The following SARM1 variants were observed in gnomAD, a reference collection of about 807,000 sequenced individuals.
The protein encoded by SARM1 is NAD(+) hydrolase SARM1.
SARM1 carries 60 observed loss-of-function variants against 65.1 expected under a neutral mutation model. The observed-to-expected ratio is 0.92, with a 90% CI of 0.75 to 1.14. SARM1 has a LOEUF of 1.14. SARM1 is among the 50% of genes most tolerant of loss of function. The probability of loss-of-function intolerance (pLI) is 0.00; values close to 1 mark genes in which losing one functional copy is unlikely to be tolerated. For missense variants in SARM1, 913 were observed against 1,015.7 expected, an observed-to-expected ratio of 0.90 and a Z score of 1.37; for synonymous variants, 417 against 465.4, an observed-to-expected ratio of 0.90 and a Z score of 1.34.
rs546609473 is a variant in SARM1, at chr17:28,371,710, G to C, written c.-323G>C. 1 of 246,034 alleles carries C rather than the reference G, an allele frequency of 4.1e-6. No homozygotes were observed. The highest frequency in any genetic ancestry group is 1.6e-4 in the South Asian group (1 of 6,110). 15.2% of individuals were successfully genotyped at this position (246,034 alleles called of 1,614,324 possible). Reference sequence around the variant, plus strand: ...CTGCCGAGCATCTCCCAGCTCAGCCGAGCCCGTGCCCAGGCCACGCTTTGT... The same window carrying C: ...CTGCCGAGCATCTCCCAGCTCAGCCCAGCCCGTGCCCAGGCCACGCTTTGT... On this transcript the variant is annotated 5_prime_UTR_variant, in exon 1 of 9. Coordinates refer to ENST00000585482, the MANE Select transcript of SARM1 (RefSeq NM_015077.4).
At chr17:28,374,821 A>T (rs2067979646) in intron 1 of SARM1, among the ~76,000 whole-genome samples, 1 of 151,742 alleles carries the variant, frequency 6.6e-6, no homozygotes, top group African/African-American at 2.4e-5. Context: ...TACAAAAAAT[A>T]TACAGATTAG....
chr17:28,384,655 C>G lies in SARM1; in HGVS notation c.1302+86C>G, dbSNP rs1394359523. The G allele has an allele frequency of 3.6e-6, 5 of 1,395,172 alleles. No individual in the cohort carries two copies. In the East Asian group the frequency reaches 1.3e-4, roughly 35 times the overall value. The allele number at this position is 1,395,172 out of a possible 1,614,324, so 86.4% of individuals were successfully genotyped here. A position where few individuals can be genotyped will look rare whatever the true frequency, so the allele number is the denominator to read the frequency against. The stretch of plus-strand genomic sequence containing the variant: ...GCGTTCCCTCCCCGCCTCGCAATCC[C>G]GCGGCGCCAGGGTCGCTTTTGGGGG... On this transcript the variant is annotated intron_variant, in intron 3 of 8. Transcript: ENST00000585482. This position sits in a 1 kb window ranked among gnomAD's most constrained non-coding sequence, Gnocchi z 4.4.
intron 2 of SARM1, among the ~76,000 whole-genome samples, chr17:28,383,703 GA>G (rs1410612060): frequency 6.6e-6 from 1 of 152,192 alleles, no homozygotes; most frequent in East Asian, 1.9e-4. Flanking sequence ...TTCCAGTAGT[GA>G]CTAAGACATG....
chr17:28,392,112 TA>T (rs1236676959), intron 7 of SARM1, among the ~76,000 whole-genome samples: 7 of 151,340 alleles, frequency 4.6e-5, no homozygotes, highest in African/African-American at 9.7e-5. Context: ...TTTATTTAAT[TA>T]TTTTTTTTTT....
intron 1 of SARM1, chr17:28,373,972 AAGGC>A (rs1555584327): frequency 6.6e-6 from 1 of 152,212 alleles, no homozygotes. Context: ...CTTCCAAAGA[AAGGC>A]AGGATCCCCG....
chr17:28,373,837 A>G (rs1344209304), intron 1 of SARM1: 5 of 152,266 alleles, frequency 3.3e-5, no homozygotes, highest in African/African-American at 9.7e-5. Flanking sequence ...AAAAATGGCA[A>G]TTCTCACCTG....
At chr17:28,380,083 TCTC>T in intron 1 of SARM1, among the ~76,000 whole-genome samples, 1 of 144,182 alleles carries the variant, frequency 6.9e-6, no homozygotes, top group African/African-American at 2.5e-5. Flanking sequence ...TGTCTCTCTC[TCTC>T]TTTTTTTTTT....
chr17:28,381,864 C>A, intron 2 of SARM1, 43 bp downstream of exon 2: 1 of 1,391,464 alleles, frequency 7.2e-7, no homozygotes, highest in Non-Finnish European at 9.3e-7. Flanking sequence ...GGTTAGAGAG[C>A]CTTTGGGAAG....
rs574324931 is a variant in SARM1 at position 28,401,672 on chromosome 17, C to G, written c.*5386C>G. On this transcript the variant is annotated 3_prime_UTR_variant, in exon 9 of 9. Coordinates refer to ENST00000585482, the MANE Select transcript of SARM1 (RefSeq NM_015077.4). ...TGTGATGTCATCAAAAGCAAACCACCCACATCACAGATGAAGAAACAGGCC... is the reference window on the plus strand; with the variant it reads ...TGTGATGTCATCAAAAGCAAACCACGCACATCACAGATGAAGAAACAGGCC... The G allele has an allele frequency of 6.6e-6, 1 of 152,368 alleles. No homozygotes were observed. Among genetic ancestry groups the G allele is most frequent in the African/African-American group, 2.4e-5 (1 of 41,538 alleles). 9.4% of individuals were successfully genotyped at this position (152,368 alleles called of 1,614,324 possible).
intron 1 of SARM1, among the ~76,000 whole-genome samples, chr17:28,377,200 C>T (rs1029169274): frequency 6.6e-6 from 1 of 152,198 alleles, no homozygotes; most frequent in Non-Finnish European, 1.5e-5. Context: ...TGGAGACAGG[C>T]AGATCTGGGT....
chr17:28,383,210 CT>C (rs1555585528), intron 2 of SARM1, among the ~76,000 whole-genome samples: 1 of 152,048 alleles, frequency 6.6e-6, no homozygotes, highest in Non-Finnish European at 1.5e-5. Context: ...TCTGTCCCTA[CT>C]AAAAATACAA....
intron 2 of SARM1, among the ~76,000 whole-genome samples, chr17:28,383,356 A>G (rs1567807496): frequency 6.6e-6 from 1 of 152,160 alleles, no homozygotes; most frequent in Non-Finnish European, 1.5e-5. Context: ...CCTGGGCTAC[A>G]AAGTGAGGCT....
rs1046966571 is a variant in SARM1, at chr17:28,395,565, G to T, written c.1924-340G>T. The T allele has an allele frequency of 1.9e-4, 45 of 240,186 alleles. No individual in the cohort carries two copies. The highest frequency in any genetic ancestry group is 4.3e-4 in the South Asian group (6 of 14,106). The allele number at this position is 240,186 out of a possible 1,614,324, so 14.9% of individuals were successfully genotyped here. The stretch of plus-strand genomic sequence containing the variant: ...AGTTCCAATCCTCTAGTCATGCCCT[G>T]GTCTCCCTGGTGACCAGCCCTCTTC... On this transcript the variant is annotated intron_variant, in intron 7 of 8. Transcript: ENST00000585482.
At chr17:28,377,040 T>C (rs1555584709) in intron 1 of SARM1, among the ~76,000 whole-genome samples, 1 of 152,174 alleles carries the variant, frequency 6.6e-6, no homozygotes, top group African/African-American at 2.4e-5. Flanking sequence ...TCTGCCCACC[T>C]CAGCCTCCCA....
At chr17:28,375,930 C>A (rs1475719013) in intron 1 of SARM1, among the ~76,000 whole-genome samples, 2 of 152,200 alleles carry the variant, frequency 1.3e-5, no homozygotes, top group East Asian at 3.9e-4. Context: ...TCTGCATATA[C>A]AGGCATTTGC....
At chr17:28,391,766 T>A (rs2068081646) in intron 7 of SARM1, among the ~76,000 whole-genome samples, 1 of 145,580 alleles carries the variant, frequency 6.9e-6, no homozygotes, top group Admixed American at 7.0e-5. Context: ...GAGGAGTTTA[T>A]AGAACAATTG....
chr17:28,374,970 CAAAAAAAA>C (rs35032822), intron 1 of SARM1, among the ~76,000 whole-genome samples: 262 of 70,466 alleles, frequency 3.7e-3, no homozygotes, highest in South Asian at 0.012. Flanking sequence ...CAGACCTTGT[CAAAAAAAA>C]AAAAAAAAAA....
chr17:28,371,844 GCTCCCCCGATCCTGCCGACACTC>G lies in SARM1; in HGVS notation c.-181_-159del. On this transcript the variant is annotated 5_prime_UTR_variant, in exon 1 of 9. Transcript: ENST00000585482. ...TGGGCCTGCATCACCTTTGCCAACC[GCTCCCCCGATCCTGCCGACACTC>G]CTCCCCCAAACTTCTGACCGGCACC... 2.2e-6 allele frequency: 1 copy of G among 457,686 alleles called. No individual in the cohort carries two copies. The highest frequency in any genetic ancestry group is 3.8e-6 in the Non-Finnish European group (1 of 260,666). The allele number at this position is 457,686 out of a possible 1,614,324, so 28.4% of individuals were successfully genotyped here.
rs1305359062 is a variant in SARM1 at position 28,391,884 on chromosome 17, T to TG, written c.1923+3345_1923+3346insG. On this transcript the variant is annotated intron_variant, in intron 7 of 8. Transcript: ENST00000585482. ...CAGGTTAGAGGACTTGACTCCGTTT[T>TG]TTTTTTTTTTTTTCCAGTAGAGATA... Among the ~76,000 whole-genome samples, 5 of 149,444 alleles carry TG rather than the reference T, an allele frequency of 3.3e-5. No homozygotes were observed. In the East Asian group the frequency reaches 9.9e-4, roughly 30 times the overall value.
Sources: allele counts gnomAD v4.1 joint callset (sites outside exome capture counted in the v4.1 genomes callset), GRCh38; gene constraint gnomAD v4.1.1; non-coding constraint Gnocchi (gnomAD v3.1); transcripts MANE v1.5; gene names NCBI Gene and HGNC (gene_info 2026-07-23, HGNC 2026-07-21).